TMEM276: variants seen among roughly 807,000 people sequenced by gnomAD.
The protein encoded by TMEM276 is transmembrane protein 276.
chr8:144,464,890 C>T, the TMEM276 span: 2 of 1,612,080 alleles, frequency 1.2e-6, no homozygotes, highest in Non-Finnish European at 1.7e-6. Context: ...CGGCCCCCGG[C>T]TTGGGGGCCA....
chr8:144,464,914 G>C, the TMEM276 span: 1 of 1,610,728 alleles, frequency 6.2e-7, no homozygotes, highest in East Asian at 2.2e-5. Flanking sequence ...CACCTCAGGC[G>C]GCAGTATGTA....
chr8:144,466,980 G>T, the TMEM276 span: 2 of 1,596,462 alleles, frequency 1.3e-6, no homozygotes, highest in Admixed American at 3.4e-5. Context: ...CCTGAGGATG[G>T]GTCGGAAGGC....
the TMEM276 span, chr8:144,464,349 C>T: frequency 1.2e-6 from 2 of 1,611,696 alleles, no homozygotes; most frequent in East Asian, 2.2e-5. Context: ...CCACCAACAG[C>T]ATTGCCTGAC....
the TMEM276 span, chr8:144,463,858 AG>A: frequency 7.4e-7 from 1 of 1,359,096 alleles, no homozygotes; most frequent in Non-Finnish European, 9.4e-7. Flanking sequence ...ATTGGAGACT[AG>A]GCCTCTTCTC....
chr8:144,464,641 G>A, the TMEM276 span: 3 of 1,583,858 alleles, frequency 1.9e-6, no homozygotes, highest in Admixed American at 1.8e-5. Context: ...GAGAACACGT[G>A]GGAAAAAGAG....
chr8:144,464,362 G>A, the TMEM276 span: 2 of 1,611,114 alleles, frequency 1.2e-6, no homozygotes, highest in African/African-American at 2.7e-5. Context: ...TGCCTGACCA[G>A]CCACAGAGCG....
the TMEM276 span, chr8:144,464,388 G>A: frequency 1.9e-6 from 3 of 1,609,480 alleles, no homozygotes; most frequent in African/African-American, 1.3e-5. Context: ...CAGGGCCGAG[G>A]TGGCCGCCAG....
the TMEM276 span, chr8:144,466,557 G>T: frequency 9.3e-7 from 1 of 1,077,092 alleles, no homozygotes; most frequent in Non-Finnish European, 1.2e-6. Flanking sequence ...GTCTCCCGCC[G>T]CCTGCCCCAC....
At chr8:144,464,568 A>G in the TMEM276 span, 2 of 1,611,194 alleles carry the variant, frequency 1.2e-6, no homozygotes, top group South Asian at 1.1e-5. Context: ...TGGTGGTGGC[A>G]GCCAAGACCT....
chr8:144,464,688 G>C, the TMEM276 span: 1 of 1,573,142 alleles, frequency 6.4e-7, no homozygotes, highest in Non-Finnish European at 8.6e-7. Flanking sequence ...AGGGTTTGGG[G>C]CTTCCATGGA....
the TMEM276 span, chr8:144,465,030 C>A: frequency 3.9e-6 from 6 of 1,535,846 alleles, no homozygotes; most frequent in South Asian, 4.8e-5. Context: ...GTTCCAGGTC[C>A]CCATTACTGG....
the TMEM276 span, chr8:144,464,812 G>C: frequency 1.2e-6 from 2 of 1,612,752 alleles, no homozygotes; most frequent in Non-Finnish European, 1.7e-6. Context: ...TACTCACCTC[G>C]GCTGTGCTCA....
the TMEM276 span, chr8:144,466,802 G>T: frequency 6.5e-7 from 1 of 1,536,632 alleles, no homozygotes; most frequent in East Asian, 2.4e-5. Context: ...AGACCTGCCC[G>T]CGCCAGAGCT....
At chr8:144,464,185 G>A in the TMEM276 span, 9 of 1,613,126 alleles carry the variant, frequency 5.6e-6, no homozygotes, top group East Asian at 1.6e-4. Flanking sequence ...GCTGCCTACA[G>A]CCAAGGCCCA....
chr8:144,465,047 G>A, the TMEM276 span: 6 of 1,534,520 alleles, frequency 3.9e-6, no homozygotes, highest in East Asian at 4.9e-5. Context: ...CTGGATGTTA[G>A]GAGAAGTTCA....
the TMEM276 span, chr8:144,464,333 C>T: frequency 1.2e-6 from 2 of 1,612,476 alleles, no homozygotes; most frequent in Admixed American, 1.7e-5. Flanking sequence ...AGGATGGTCA[C>T]TGCGACCACC....
chr8:144,465,441 C>A, the TMEM276 span: 38 of 1,005,034 alleles, frequency 3.8e-5, no homozygotes, highest in East Asian at 1.1e-4. Context: ...CCTCCTCTGC[C>A]GTGCCCCCAG....
chr8:144,463,924 CCT>C, the TMEM276 span: 19 of 1,441,672 alleles, frequency 1.3e-5, no homozygotes, highest in African/African-American at 2.1e-4. Context: ...TGTCTGGGAC[CCT>C]GTCCCTTTCA....
the TMEM276 span, chr8:144,464,709 T>C: frequency 6.3e-7 from 1 of 1,575,412 alleles, no homozygotes; most frequent in Non-Finnish European, 8.6e-7. Context: ...GACCTGGTCT[T>C]AGACGCACTT....
Sources: gnomAD v4.1 joint callset for allele counts on GRCh38, gnomAD v4.1.1 for gene constraint, MANE v1.5 for transcripts, NCBI Gene and HGNC (gene_info 2026-07-23, HGNC 2026-07-21) for gene names.